The following CACHD1 variants were observed in gnomAD, a reference collection of about 807,000 sequenced individuals.
CACHD1 encodes VWFA and cache domain-containing protein 1.
A neutral mutation model predicts 138.7 loss-of-function variants in CACHD1; 71 were observed. The ratio of observed to expected loss-of-function variants is 0.51; its 90% CI spans 0.42 to 0.62. CACHD1 has a LOEUF of 0.62. CACHD1 is among the 20% of genes least tolerant of loss of function. The probability of loss-of-function intolerance (pLI) is 0.00; values close to 1 mark genes in which losing one functional copy is unlikely to be tolerated. For missense variants in CACHD1, 1,389 were observed against 1,625.3 expected (o/e 0.85, Z 2.50); for synonymous variants, 578 against 591.5 (o/e 0.98, Z 0.33).
intron 26 of CACHD1, among the ~76,000 whole-genome samples, chr1:64,690,831 G>A (rs561368632): frequency 5.3e-5 from 8 of 152,220 alleles, no homozygotes; most frequent in Non-Finnish European, 1.2e-4. Flanking sequence ...AGGCATTCAG[G>A]CGGAAGCCCA....
intron 1 of CACHD1, among the ~76,000 whole-genome samples, chr1:64,522,319 G>GT (rs1646504242): frequency 5.9e-5 from 8 of 134,736 alleles, no homozygotes; most frequent in Non-Finnish European, 1.0e-4. Context: ...TTTTTTTTTT[G>GT]TTTTTTTGAG....
At position 64,533,750 on chromosome 1, in the gene CACHD1, T is replaced by TCC. The variant is rs35235530; in HGVS notation, c.199-16844_199-16843insCC. On this transcript the variant is annotated intron_variant, in intron 1 of 26. Coordinates refer to ENST00000651257, the MANE Select transcript of CACHD1 (RefSeq NM_020925.4). ...ATAGATATCTTTTTCTTCTCTCTCT[T>TCC]TTTTTTTTTTTTTTTTTGTGAAGAC... 7.1e-3 allele frequency among the ~76,000 whole-genome samples: 202 copies of TCC among 28,640 alleles called. 1 individual carries two copies. The highest frequency in any genetic ancestry group is 0.011 in the African/African-American group (194 of 18,290). The allele number at this position is 28,640 out of a possible 152,430, so 18.8% of individuals were successfully genotyped here. A position where few individuals can be genotyped will look rare whatever the true frequency, so the allele number is the denominator to read the frequency against.
Position 64,629,399 on chromosome 1 carries a change from T to A in CACHD1, c.562T>A (p.Tyr188Asn). ...ATCCAACCCTGGAATTAAGTGGCAA[T>A]ATTTCAGTTCAGAAGAAGGAATTTT... ...LKSNPGIKWQYFSSEEGIFTV... is the reference protein window; with the variant it reads ...LKSNPGIKWQNFSSEEGIFTV... Residue 188 changes from tyrosine (Y) to asparagine (N), a missense_variant, in exon 5 of 27, where the codon TAT becomes AAT. This residue lies in a region of CACHD1 where 1,000 missense variants were observed against 1,114.7 expected (regional missense o/e 0.90). Coordinates refer to ENST00000651257, the MANE Select transcript of CACHD1 (RefSeq NM_020925.4). 1 of 1,614,082 alleles carries A rather than the reference T, an allele frequency of 6.2e-7. No individual in the cohort carries two copies. Among genetic ancestry groups the A allele is most frequent in the African/African-American group, 1.3e-5 (1 of 75,044 alleles).
chr1:64,579,676 T>G (rs1170470088), intron 2 of CACHD1, among the ~76,000 whole-genome samples: 1 of 152,112 alleles, frequency 6.6e-6, no homozygotes, highest in Non-Finnish European at 1.5e-5. Flanking sequence ...AAAATAAGTA[T>G]GTTTTAAAAG....
At chr1:64,527,911 C>A (rs1367248474) in intron 1 of CACHD1, among the ~76,000 whole-genome samples, 1 of 152,156 alleles carries the variant, frequency 6.6e-6, no homozygotes, top group Non-Finnish European at 1.5e-5. Flanking sequence ...TTTTGTGTTG[C>A]TAACTGGCCC....
intron 4 of CACHD1, among the ~76,000 whole-genome samples, chr1:64,624,979 C>T (rs937328008): frequency 7.9e-5 from 12 of 152,174 alleles, no homozygotes; most frequent in African/African-American, 2.9e-4. Flanking sequence ...ACAGCCCATT[C>T]ATTCATTTAC....
intron 3 of CACHD1, among the ~76,000 whole-genome samples, chr1:64,601,149 T>A (rs1278236100): frequency 1.3e-5 from 2 of 152,180 alleles, no homozygotes; most frequent in Non-Finnish European, 2.9e-5. Context: ...CTCAATTTTT[T>A]ATGTATTTTC....
chr1:64,647,118 T>A (rs987960735), intron 8 of CACHD1, among the ~76,000 whole-genome samples: 1 of 150,982 alleles, frequency 6.6e-6, no homozygotes, highest in African/African-American at 2.4e-5. Flanking sequence ...ATTACAGATG[T>A]TGTAGAATAA....
At chr1:64,580,395 C>T (rs78278065) in intron 2 of CACHD1, among the ~76,000 whole-genome samples, 268 of 152,136 alleles carry the variant, frequency 1.8e-3, no homozygotes, top group African/African-American at 3.7e-3. Context: ...ACCCTAGTAA[C>T]GTGCAATTTA....
intron 1 of CACHD1, among the ~76,000 whole-genome samples, chr1:64,549,335 A>G (rs1484981687): frequency 6.6e-6 from 1 of 152,192 alleles, no homozygotes; most frequent in Non-Finnish European, 1.5e-5. Flanking sequence ...GAACTTTCAT[A>G]CCAGCAGAGT....
intron 1 of CACHD1, among the ~76,000 whole-genome samples, chr1:64,537,053 G>T (rs1646638382): frequency 1.3e-5 from 2 of 152,154 alleles, no homozygotes; most frequent in South Asian, 4.1e-4. Flanking sequence ...CTCTAGGTGA[G>T]CAGGAGTCCT....
At chr1:64,483,501 AT>A (rs1236441876) in intron 1 of CACHD1, among the ~76,000 whole-genome samples, 1 of 151,990 alleles carries the variant, frequency 6.6e-6, no homozygotes, top group Admixed American at 6.6e-5. Flanking sequence ...TACATTGTAA[AT>A]TTTGAGTAAT....
chr1:64,655,548 A>G (rs1649234524), intron 12 of CACHD1, among the ~76,000 whole-genome samples: 1 of 152,198 alleles, frequency 6.6e-6, no homozygotes, highest in African/African-American at 2.4e-5. Context: ...AGAAAATTTT[A>G]GATTAGAAAT....
chr1:64,585,936 A>G (rs1647048032), intron 3 of CACHD1, among the ~76,000 whole-genome samples: 1 of 152,208 alleles, frequency 6.6e-6, no homozygotes, highest in Non-Finnish European at 1.5e-5. Context: ...AAGAGTTAGT[A>G]GTATGTTGTT....
intron 4 of CACHD1, among the ~76,000 whole-genome samples, chr1:64,606,312 G>A (rs1312491066): frequency 6.6e-6 from 1 of 152,118 alleles, no homozygotes; most frequent in Non-Finnish European, 1.5e-5. Context: ...AGGGTTTGTG[G>A]GTGAGATCTG....
intron 2 of CACHD1, among the ~76,000 whole-genome samples, chr1:64,580,710 A>G (rs548781236): frequency 6.6e-6 from 1 of 152,312 alleles, no homozygotes; most frequent in South Asian, 2.1e-4. Context: ...TGAACCAGAT[A>G]ATTCTTGGTT....
chr1:64,482,914 G>T (rs1367572236), intron 1 of CACHD1, among the ~76,000 whole-genome samples: 2 of 152,166 alleles, frequency 1.3e-5, no homozygotes, highest in East Asian at 3.9e-4. Context: ...CGTAGTCCTG[G>T]TATGGTTACC....
chr1:64,604,797 T>C (rs1647287425), intron 4 of CACHD1, among the ~76,000 whole-genome samples: 2 of 147,490 alleles, frequency 1.4e-5, no homozygotes, highest in South Asian at 4.4e-4. Context: ...GGATTATAGG[T>C]GCCCACCACC....
intron 5 of CACHD1, among the ~76,000 whole-genome samples, chr1:64,631,251 G>A (rs945212650): frequency 3.3e-5 from 5 of 152,200 alleles, no homozygotes; most frequent in African/African-American, 1.2e-4. Flanking sequence ...CACCCATCTA[G>A]CTTGGAGAAT....
Sources: gnomAD v4.1 joint callset for allele counts (sites outside exome capture counted in the v4.1 genomes callset) on GRCh38, gnomAD v4.1.1 for gene constraint, gnomAD v4.1.1 regional missense constraint, MANE v1.5 for transcripts, NCBI Gene and HGNC (gene_info 2026-07-23, HGNC 2026-07-21) for gene names.